KCNQ3: variants seen among roughly 807,000 people sequenced by gnomAD.
KCNQ3 encodes the protein potassium voltage-gated channel subfamily KQT member 3.
A neutral mutation model predicts 92.5 loss-of-function variants in KCNQ3; 30 were observed. That is an observed-to-expected ratio of 0.32 (90% confidence interval 0.24 to 0.44). The LOEUF is 0.44. Ranked by LOEUF, KCNQ3 falls within the 20% of genes least tolerant of loss-of-function variation. The probability of loss-of-function intolerance (pLI) is 1.00; values close to 1 mark genes in which losing one functional copy is unlikely to be tolerated. For synonymous variants in KCNQ3, 450 were observed against 468.8 expected (o/e 0.96, Z 0.52); for missense variants, 913 against 1,140.3 (o/e 0.80, Z 2.87).
intron 4 of KCNQ3, among the ~76,000 whole-genome samples, chr8:132,178,763 C>A (rs529184360): frequency 5.9e-5 from 9 of 151,854 alleles, no homozygotes; most frequent in African/African-American, 2.2e-4. Context: ...CTGGAGCTGT[C>A]CAGCTACAGG....
chr8:132,468,401 C>T lies in KCNQ3; in HGVS notation c.386+11746G>A, dbSNP rs541071082. On this transcript the variant is annotated intron_variant, in intron 1 of 14. Coordinates refer to ENST00000388996, the MANE Select transcript of KCNQ3 (RefSeq NM_004519.4). The stretch of plus-strand genomic sequence containing the variant: ...TCACTCCATCTCTCCAAGAAGACAC[C>T]ATCAAGGCAGAAATAAACTTAAACT... 2.0e-5 allele frequency among the ~76,000 whole-genome samples: 3 copies of T among 152,304 alleles called. No individual in the cohort carries two copies. In the East Asian group the frequency reaches 5.8e-4, roughly 29 times the overall value.
In KCNQ3 at chr8:132,360,954, C is replaced by A. The variant is rs192129473; in HGVS notation, c.386+119193G>T. ...CATCACTGCCCAGGCCCTTCAGGGC[C>A]ATGCTTCCACCAGGCTACTGCTTGG... On this transcript the variant is annotated intron_variant, in intron 1 of 14. Coordinates refer to ENST00000388996, the MANE Select transcript of KCNQ3 (RefSeq NM_004519.4). 4.1e-4 allele frequency among the ~76,000 whole-genome samples: 63 copies of A among 152,332 alleles called. No homozygotes were observed. The East Asian group carries it at 0.012, about 29-fold the overall frequency.
chr8:132,424,558 G>A (rs888438210), intron 1 of KCNQ3, among the ~76,000 whole-genome samples: 2 of 152,218 alleles, frequency 1.3e-5, no homozygotes, highest in African/African-American at 4.8e-5. Context: ...GCCTCATCAG[G>A]AGAAGGTCCT....
chr8:132,205,735 A>G (rs1381356833), intron 1 of KCNQ3, among the ~76,000 whole-genome samples: 1 of 152,194 alleles, frequency 6.6e-6, no homozygotes, highest in African/African-American at 2.4e-5. Context: ...GTGAGAAAGG[A>G]TGCAAAGTCC....
Position 132,203,716 on chromosome 8 carries a change from G to T in KCNQ3, c.387-17535C>A, listed in dbSNP as rs186445002. Among the ~76,000 whole-genome samples the T allele has an allele frequency of 7.6e-4, 116 of 152,232 alleles. 1 individual carries two copies. In the Middle Eastern group the frequency reaches 0.02, roughly 27 times the overall value. On this transcript the variant is annotated intron_variant, in intron 1 of 14. Transcript: ENST00000388996. Reference sequence around the variant, plus strand: ...TCCAATCCCTTGTGTTTATTATGGGGATAATCATTTAAACTCAAAGGGTTG... The same window carrying T: ...TCCAATCCCTTGTGTTTATTATGGGTATAATCATTTAAACTCAAAGGGTTG...
intron 9 of KCNQ3, among the ~76,000 whole-genome samples, chr8:132,142,988 C>T (rs533279871): frequency 2.0e-5 from 3 of 152,282 alleles, no homozygotes; most frequent in African/African-American, 7.2e-5. Context: ...ATTTCTGTAA[C>T]ATTTCTTGCC....
intron 11 of KCNQ3, 42 bp downstream of exon 11, chr8:132,140,034 G>C (rs377583720): frequency 7.5e-6 from 10 of 1,330,782 alleles, no homozygotes; most frequent in Middle Eastern, 1.9e-4. Flanking sequence ...GAGCTGGAGC[G>C]GGGGAGGCAC....
At chr8:132,231,761 TC>T (rs1814654724) in intron 1 of KCNQ3, among the ~76,000 whole-genome samples, 1 of 152,218 alleles carries the variant, frequency 6.6e-6, no homozygotes, top group African/African-American at 2.4e-5. Flanking sequence ...CACATGCCAA[TC>T]CTCTGCCATG....
At chr8:132,182,438 T>C (rs888504939) in intron 3 of KCNQ3, among the ~76,000 whole-genome samples, 1 of 152,194 alleles carries the variant, frequency 6.6e-6, no homozygotes, top group African/African-American at 2.4e-5. Context: ...ATGAGTACAA[T>C]GGAAAACATG....
chr8:132,284,864 G>T (rs1233981457), intron 1 of KCNQ3, among the ~76,000 whole-genome samples: 3 of 152,176 alleles, frequency 2.0e-5, no homozygotes, highest in Non-Finnish European at 4.4e-5. Context: ...TGGCAGAAAT[G>T]AATTAATTCC....
intron 1 of KCNQ3, among the ~76,000 whole-genome samples, chr8:132,201,894 C>A (rs1045043510): frequency 1.3e-5 from 2 of 152,194 alleles, no homozygotes; most frequent in African/African-American, 2.4e-5. Context: ...GCCCGGGCCC[C>A]CAGGCTATAT....
At chr8:132,137,377 G>A (rs1825136270) in intron 12 of KCNQ3, among the ~76,000 whole-genome samples, 1 of 152,122 alleles carries the variant, frequency 6.6e-6, no homozygotes, top group African/African-American at 2.4e-5. Flanking sequence ...GCACTCTAAT[G>A]CAATATCTTG....
At chr8:132,211,445 CT>C (rs1432296248) in intron 1 of KCNQ3, among the ~76,000 whole-genome samples, 5 of 152,098 alleles carry the variant, frequency 3.3e-5, no homozygotes, top group African/African-American at 9.7e-5. Context: ...TTCAATTGAC[CT>C]TTCCCCCTCC....
Position 132,129,012 on chromosome 8 carries a change from C to G in KCNQ3, c.*250G>C. The G allele has an allele frequency of 1.8e-6, 1 of 561,258 alleles. No individual in the cohort carries two copies. Among genetic ancestry groups the G allele is most frequent in the Non-Finnish European group, 3.2e-6 (1 of 313,408 alleles). 34.8% of individuals were successfully genotyped at this position (561,258 alleles called of 1,614,324 possible). A position where few individuals can be genotyped will look rare whatever the true frequency, so the allele number is the denominator to read the frequency against. On this transcript the variant is annotated 3_prime_UTR_variant, in exon 15 of 15. Transcript: ENST00000388996. The surrounding 1 kb of genome is among the most constrained non-coding windows in gnomAD (Gnocchi z 5.9). Reference sequence around the variant, plus strand: ...GTAAGAACAGCAGATAAATGTGTATCCTAGAAGAGATTAGCGGAACCATTT... The same window carrying G: ...GTAAGAACAGCAGATAAATGTGTATGCTAGAAGAGATTAGCGGAACCATTT...
In KCNQ3 at chr8:132,125,895, T is replaced by C. The variant is rs1280901776; in HGVS notation, c.*3367A>G. On this transcript the variant is annotated 3_prime_UTR_variant, in exon 15 of 15. Transcript: ENST00000388996. ...TTGATGTGTTTTTCTTTTCCTGAAA[T>C]AATTTTTTTCTTAAGCTTTTGATAT... 6 of 152,316 alleles carry C rather than the reference T, an allele frequency of 3.9e-5. No homozygotes were observed. Among genetic ancestry groups the C allele is most frequent in the Non-Finnish European group, 5.9e-5 (4 of 68,022 alleles). The allele number at this position is 152,316 out of a possible 1,614,324, so 9.4% of individuals were successfully genotyped here. A position where few individuals can be genotyped will look rare whatever the true frequency, so the allele number is the denominator to read the frequency against.
At chr8:132,240,889 A>ATTTT (rs34829586) in intron 1 of KCNQ3, among the ~76,000 whole-genome samples, 1 of 149,934 alleles carries the variant, frequency 6.7e-6, no homozygotes, top group Non-Finnish European at 1.5e-5. Flanking sequence ...GCTAGCTACA[A>ATTTT]TTTTTTTTTT....
intron 9 of KCNQ3, among the ~76,000 whole-genome samples, chr8:132,149,246 G>C (rs550633611): frequency 1.3e-5 from 2 of 152,262 alleles, no homozygotes; most frequent in African/African-American, 4.8e-5. Flanking sequence ...TGGGAGGACA[G>C]GGTGGGGCCG....
chr8:132,230,877 ATGT>A (rs1045877349), intron 1 of KCNQ3, among the ~76,000 whole-genome samples: 1 of 152,192 alleles, frequency 6.6e-6, no homozygotes, highest in African/African-American at 2.4e-5. Context: ...AAAAAAATTT[ATGT>A]TGAAGTCCTA....
intron 1 of KCNQ3, among the ~76,000 whole-genome samples, chr8:132,288,823 T>C (rs1047900424): frequency 6.6e-6 from 1 of 152,206 alleles, no homozygotes; most frequent in Admixed American, 6.5e-5. Context: ...ACTGGACTCA[T>C]CTGTCTACCG....
Sources: allele counts gnomAD v4.1 joint callset (sites outside exome capture counted in the v4.1 genomes callset), GRCh38; gene constraint gnomAD v4.1.1; non-coding constraint Gnocchi (gnomAD v3.1); transcripts MANE v1.5; gene names NCBI Gene and HGNC (gene_info 2026-07-23, HGNC 2026-07-21).